ATRNL1: variants seen among roughly 807,000 people sequenced by gnomAD.
ATRNL1 encodes attractin-like protein 1.
Under a neutral mutation model 182.7 loss-of-function variants are expected in ATRNL1, and 95 were observed. That is an observed-to-expected ratio of 0.52 (90% CI 0.44 to 0.62). The LOEUF (loss-of-function observed/expected upper bound fraction) is 0.62. Among genes scored for constraint, ATRNL1 ranks in the 20% least tolerant of loss-of-function variants. The pLI is 0.00. For missense variants in ATRNL1, 1,471 were observed against 1,679.5 expected (o/e 0.88, Z 2.17); for synonymous variants, 576 against 568.3 (o/e 1.01, Z -0.19).
intron 11 of ATRNL1, among the ~76,000 whole-genome samples, chr10:115,266,378 C>A (rs1851608866): frequency 6.6e-6 from 1 of 151,486 alleles, no homozygotes; most frequent in Admixed American, 6.6e-5. Context: ...GATAGCAGTT[C>A]TAAAGTGTGT....
chr10:115,642,725 C>G (rs1859334285), intron 26 of ATRNL1, among the ~76,000 whole-genome samples: 1 of 152,104 alleles, frequency 6.6e-6, no homozygotes, highest in Non-Finnish European at 1.5e-5. Flanking sequence ...GATTACAGGC[C>G]TGAACCACTG....
chr10:115,603,767 A>G (rs1555016740), intron 26 of ATRNL1, among the ~76,000 whole-genome samples: 2 of 152,116 alleles, frequency 1.3e-5, no homozygotes, highest in Admixed American at 6.5e-5. Flanking sequence ...CTTTGTCTAG[A>G]TTTAAGTTTT....
chr10:115,175,811 C>T (rs1847481110), intron 8 of ATRNL1, among the ~76,000 whole-genome samples: 1 of 152,020 alleles, frequency 6.6e-6, no homozygotes, highest in Non-Finnish European at 1.5e-5. Context: ...ATCTATAGTA[C>T]TTTCAAAGAA....
intron 28 of ATRNL1, among the ~76,000 whole-genome samples, chr10:115,897,109 G>C (rs1460526065): frequency 4.6e-5 from 7 of 152,088 alleles, no homozygotes; most frequent in African/African-American, 1.7e-4. Context: ...CAAAGGAAGT[G>C]AATGGGCAAT....
At chr10:115,392,675 C>CCGATCCA (rs1844087290) in intron 19 of ATRNL1, among the ~76,000 whole-genome samples, 1 of 152,112 alleles carries the variant, frequency 6.6e-6, no homozygotes, top group East Asian at 1.9e-4. Context: ...TGCACAATGG[C>CCGATCCA]TGATCCATTC....
chr10:115,587,196 G>T (rs1667630268), intron 26 of ATRNL1, among the ~76,000 whole-genome samples: 1 of 151,278 alleles, frequency 6.6e-6, no homozygotes, highest in Non-Finnish European at 1.5e-5. Context: ...AGAGGTTACT[G>T]CTGTCTTTTT....
intron 9 of ATRNL1, among the ~76,000 whole-genome samples, chr10:115,218,531 T>A (rs1227290673): frequency 6.6e-6 from 1 of 152,180 alleles, no homozygotes; most frequent in Non-Finnish European, 1.5e-5. Flanking sequence ...TTGGGGTCTT[T>A]TTGAAGTTGG....
chr10:115,164,367 CTAAGA>C (rs1453316437), intron 6 of ATRNL1, among the ~76,000 whole-genome samples: 1 of 151,970 alleles, frequency 6.6e-6, no homozygotes, highest in Non-Finnish European at 1.5e-5. Flanking sequence ...TTATATAATG[CTAAGA>C]TAAGTGTGTG....
chr10:115,526,400 A>T (rs1375527051), intron 25 of ATRNL1, among the ~76,000 whole-genome samples: 1 of 152,178 alleles, frequency 6.6e-6, no homozygotes, highest in Admixed American at 6.5e-5. Context: ...AATGGCCTTC[A>T]GTCTCTCATT....
chr10:115,873,588 G>A (rs1007532634), intron 28 of ATRNL1, among the ~76,000 whole-genome samples: 2 of 152,266 alleles, frequency 1.3e-5, no homozygotes, highest in South Asian at 4.1e-4. Context: ...CTTTCTTTAA[G>A]GTAGTTTCTG....
intron 26 of ATRNL1, among the ~76,000 whole-genome samples, chr10:115,706,760 T>C (rs576480137): frequency 1.5e-4 from 23 of 152,046 alleles, no homozygotes; most frequent in Middle Eastern, 3.4e-3. Flanking sequence ...TTTAAAGTCA[T>C]GTATAGTGCC....
chr10:115,777,411 G>A (rs777538678), intron 27 of ATRNL1, among the ~76,000 whole-genome samples: 27 of 151,848 alleles, frequency 1.8e-4, no homozygotes, highest in Non-Finnish European at 3.1e-4. Flanking sequence ...TCAAGTTATT[G>A]ATATTTTACC....
chr10:115,292,673 G>A (rs1467085601), intron 15 of ATRNL1, among the ~76,000 whole-genome samples: 1 of 151,906 alleles, frequency 6.6e-6, no homozygotes, highest in East Asian at 1.9e-4. Context: ...TGTTTTGAAT[G>A]TTCCTCTTTT....
chr10:115,240,182 T>C (rs563690658), intron 9 of ATRNL1, among the ~76,000 whole-genome samples: 1 of 152,262 alleles, frequency 6.6e-6, no homozygotes, highest in South Asian at 2.1e-4. Flanking sequence ...CCAATTATAG[T>C]TCTTTTCCTA....
At chr10:115,900,257 C>T (rs2134487938) in intron 28 of ATRNL1, among the ~76,000 whole-genome samples, 1 of 152,178 alleles carries the variant, frequency 6.6e-6, no homozygotes, top group South Asian at 2.1e-4. Context: ...AAATTAATGC[C>T]TCTTGGCTTA....
intron 5 of ATRNL1, among the ~76,000 whole-genome samples, chr10:115,140,377 T>A (rs576796957): frequency 6.6e-6 from 1 of 152,330 alleles, no homozygotes; most frequent in East Asian, 1.9e-4. Context: ...AGCTATAGAT[T>A]GTTACCATAA....
intron 10 of ATRNL1, among the ~76,000 whole-genome samples, chr10:115,253,010 A>G (rs1850947435): frequency 6.6e-6 from 1 of 152,198 alleles, no homozygotes; most frequent in South Asian, 2.1e-4. Context: ...TAGCCTGGCA[A>G]TGTATGATCC....
chr10:115,167,559 A>G (rs1847104096), intron 7 of ATRNL1, among the ~76,000 whole-genome samples: 1 of 152,014 alleles, frequency 6.6e-6, no homozygotes, highest in African/African-American at 2.4e-5. Flanking sequence ...AATCAACAAA[A>G]TTTCATGTAT....
chr10:115,778,308 A>G (rs1024273526), intron 27 of ATRNL1, among the ~76,000 whole-genome samples: 2 of 152,202 alleles, frequency 1.3e-5, no homozygotes, highest in African/African-American at 4.8e-5. Context: ...GTCGAAGCTT[A>G]TGGCCTATTA....
Sources: gnomAD v4.1 joint callset for allele counts (sites outside exome capture counted in the v4.1 genomes callset) on GRCh38, gnomAD v4.1.1 for gene constraint, MANE v1.5 for transcripts, NCBI Gene and HGNC (gene_info 2026-07-23, HGNC 2026-07-21) for gene names.